ZC3H7A: variants seen among roughly 807,000 people sequenced by gnomAD.
ZC3H7A encodes zinc finger CCCH-type containing 7A.
Under a neutral mutation model 125.5 loss-of-function variants are expected in ZC3H7A, and 44 were observed. The ratio of observed to expected loss-of-function variants is 0.35; its 90% CI spans 0.28 to 0.45. The LOEUF (loss-of-function observed/expected upper bound fraction) is 0.45, where lower values mean the gene tolerates loss of function less well. Among genes scored for constraint, ZC3H7A ranks in the 20% least tolerant of loss-of-function variants. The probability of loss-of-function intolerance (pLI) is 1.00; values close to 1 mark genes in which losing one functional copy is unlikely to be tolerated. For missense variants in ZC3H7A, 977 were observed against 1,170.7 expected (o/e 0.83, Z 2.41); for synonymous variants, 399 against 391.2 (o/e 1.02, Z -0.23).
intron 1 of ZC3H7A, among the ~76,000 whole-genome samples, chr16:11,787,698 C>A (rs1314905246): frequency 6.6e-6 from 1 of 152,162 alleles, no homozygotes; most frequent in East Asian, 1.9e-4. Context: ...GTAATCCCAG[C>A]ACTTTGGGAG....
chr16:11,753,220 C>T (rs544998346), intron 21 of ZC3H7A: 5 of 188,196 alleles, frequency 2.7e-5, no homozygotes, highest in East Asian at 3.1e-4. Context: ...CTTCAGTGTA[C>T]GTGAACTGAG....
chr16:11,793,694 T>G (rs2053388499), intron 1 of ZC3H7A, among the ~76,000 whole-genome samples: 1 of 152,230 alleles, frequency 6.6e-6, no homozygotes, highest in Admixed American at 6.5e-5. Flanking sequence ...GTATATTAAC[T>G]GGCTCTTGCA....
At chr16:11,754,313 G>GAAA (rs150512321) in intron 21 of ZC3H7A, among the ~76,000 whole-genome samples, 2,482 of 119,734 alleles carry the variant, frequency 0.021, 56 homozygotes, top group South Asian at 0.058. Flanking sequence ...AAAAAAGGAA[G>GAAA]AAAAAAAAAT....
At chr16:11,781,283 A>T (rs1567390429) in intron 3 of ZC3H7A, 142 bp downstream of exon 3, 4 of 722,986 alleles carry the variant, frequency 5.5e-6, no homozygotes, top group African/African-American at 1.8e-5. Context: ...TTATTTGCAA[A>T]AAAATAAAAT....
chr16:11,784,025 A>C (rs2141212420), intron 1 of ZC3H7A, among the ~76,000 whole-genome samples: 1 of 152,278 alleles, frequency 6.6e-6, no homozygotes, highest in African/African-American at 2.4e-5. Context: ...GAATGCTGAT[A>C]ACCAGGGGAG....
At chr16:11,775,905 C>G (rs753232754) in intron 7 of ZC3H7A, among the ~76,000 whole-genome samples, 42 of 152,170 alleles carry the variant, frequency 2.8e-4, no homozygotes, top group Non-Finnish European at 4.7e-4. Flanking sequence ...CGCCTGTGAT[C>G]CCAGCATTTG....
intron 15 of ZC3H7A, among the ~76,000 whole-genome samples, chr16:11,764,520 G>C (rs1368061299): frequency 3.9e-5 from 6 of 152,180 alleles, no homozygotes; most frequent in Admixed American, 3.9e-4. Context: ...CTGCACTCCA[G>C]CCTGGGAAAC....
At chr16:11,772,321 G>A (rs1279005819) in intron 9 of ZC3H7A, among the ~76,000 whole-genome samples, 3 of 151,746 alleles carry the variant, frequency 2.0e-5, no homozygotes, top group Non-Finnish European at 4.4e-5. Flanking sequence ...CTCTCTGGAG[G>A]TGTGAACTTA....
At chr16:11,772,971 G>A (rs2053012970) in intron 9 of ZC3H7A, among the ~76,000 whole-genome samples, 2 of 151,692 alleles carry the variant, frequency 1.3e-5, no homozygotes, top group Non-Finnish European at 2.9e-5. Context: ...GATTACAGGT[G>A]TGCGCCACTG....
chr16:11,779,008 G>A (rs368928127), intron 4 of ZC3H7A, among the ~76,000 whole-genome samples, 158 bp downstream of exon 4: 122 of 152,156 alleles, frequency 8.0e-4, no homozygotes, highest in African/African-American at 2.1e-3. Context: ...CACCGTGCCC[G>A]GCCAATCCAA....
At chr16:11,771,388 C>CA (rs1192864725) in intron 9 of ZC3H7A, among the ~76,000 whole-genome samples, 2 of 147,444 alleles carry the variant, frequency 1.4e-5, no homozygotes, top group South Asian at 2.1e-4. Flanking sequence ...ACTCCATCTC[C>CA]AAAAAAATAA....
rs1190966741 is a variant in ZC3H7A, at chr16:11,769,088, G to C, written c.1116C>G (p.Ser372=). The part of the protein sequence containing the change: ...FSMSESKRDL[S]TSTSREGTPL... ...GTGTTCCCTCTCTAGAAGTTGAGGT[G>C]GACAGATCTAAAATAATAAAAAAAC... The change falls in exon 11 of 23, where the codon TCC becomes TCG. Residue 372 remains serine (S), a synonymous_variant. Transcript: ENST00000355758. 1 of 1,605,860 alleles carries C rather than the reference G, an allele frequency of 6.2e-7. No homozygotes were observed. The highest frequency in any genetic ancestry group is 8.5e-7 in the Non-Finnish European group (1 of 1,177,024).
At chr16:11,758,705 A>G in intron 19 of ZC3H7A, 166 bp from the exon 20 acceptor site, 1 of 574,776 alleles carries the variant, frequency 1.7e-6, no homozygotes, top group Non-Finnish European at 3.0e-6. Flanking sequence ...TGCTCTAAAT[A>G]TATGAAATGA....
At chr16:11,793,411 T>C (rs2053383198) in intron 1 of ZC3H7A, among the ~76,000 whole-genome samples, 1 of 151,960 alleles carries the variant, frequency 6.6e-6, no homozygotes, top group Non-Finnish European at 1.5e-5. Context: ...GTGTACACTG[T>C]AGTGCCAGCT....
In ZC3H7A at chr16:11,765,283, C is replaced by G. The variant is rs1003951589; in HGVS notation, c.1720-130G>C. ...GAAGTTTTAATATTCTTTTTGGTAA[C>G]AGTAATAGCCAACATTTACTGAATG... is the stretch of plus-strand genomic sequence containing the variant. On this transcript the variant is annotated intron_variant, in intron 14 of 22. Transcript: ENST00000355758. This position sits in a 1 kb window ranked among gnomAD's most constrained non-coding sequence, Gnocchi z 4.8. The G allele has an allele frequency of 1.5e-6, 1 of 685,358 alleles. No individual in the cohort carries two copies. The highest frequency in any genetic ancestry group is 3.8e-5 in the Admixed American group (1 of 26,204). The allele number at this position is 685,358 out of a possible 1,614,324, so 42.5% of individuals were successfully genotyped here. A position where few individuals can be genotyped will look rare whatever the true frequency, so the allele number is the denominator to read the frequency against.
At chr16:11,787,983 G>A (rs1048338451) in intron 1 of ZC3H7A, among the ~76,000 whole-genome samples, 1 of 151,676 alleles carries the variant, frequency 6.6e-6, no homozygotes, top group Non-Finnish European at 1.5e-5. Flanking sequence ...TTACAGGTGT[G>A]AGCCCCCTCG....
At position 11,776,445 on chromosome 16, in the gene ZC3H7A, A is replaced by G. The variant is rs777661747; in HGVS notation, c.546+7T>C. On this transcript the variant is annotated splice_region_variant and intron_variant, in intron 6 of 22. Coordinates refer to ENST00000355758, the MANE Select transcript of ZC3H7A (RefSeq NM_014153.4). ...GAAAACACCTTATGCAGAGAACTCC[A>G]GCTTACCTCAGCTCTGACATACGCT... 2 of 1,607,592 alleles carry G rather than the reference A, an allele frequency of 1.2e-6. No homozygotes were observed. Among genetic ancestry groups the G allele is most frequent in the South Asian group, 2.3e-5 (2 of 88,884 alleles).
At position 11,765,940 on chromosome 16, in the gene ZC3H7A, C is replaced by G. The variant is rs147297771; in HGVS notation, c.1523-255G>C. 2.9e-3 allele frequency among the ~76,000 whole-genome samples: 444 copies of G among 152,236 alleles called. 3 individuals are homozygous for G. Among genetic ancestry groups the G allele is most frequent in the African/African-American group, 0.01 (425 of 41,546 alleles). The stretch of plus-strand genomic sequence containing the variant: ...AATAACATTTAGGGCATCATTTGAA[C>G]TTGTCTAACAATTCATGGACAGCCT... On this transcript the variant is annotated intron_variant, in intron 13 of 22. Coordinates refer to ENST00000355758, the MANE Select transcript of ZC3H7A (RefSeq NM_014153.4). This position sits in a 1 kb window ranked among gnomAD's most constrained non-coding sequence, Gnocchi z 4.8.
At chr16:11,764,439 C>A (rs918457550) in intron 15 of ZC3H7A, among the ~76,000 whole-genome samples, 1 of 152,130 alleles carries the variant, frequency 6.6e-6, no homozygotes, top group Non-Finnish European at 1.5e-5. Flanking sequence ...ATCCTAGCTA[C>A]TGGAGAGGCT....
Sources: gnomAD v4.1 joint callset for allele counts (sites outside exome capture counted in the v4.1 genomes callset) on GRCh38, gnomAD v4.1.1 for gene constraint, Gnocchi (gnomAD v3.1) non-coding constraint, MANE v1.5 for transcripts, NCBI Gene and HGNC (gene_info 2026-07-23, HGNC 2026-07-21) for gene names.